RARB: variants seen among roughly 807,000 people sequenced by gnomAD.
The protein encoded by RARB is retinoic acid receptor beta.
A neutral mutation model predicts 51.9 loss-of-function variants in RARB; 17 were observed. That is an observed-to-expected ratio of 0.33 (90% CI 0.22 to 0.49). The LOEUF (loss-of-function observed/expected upper bound fraction) is 0.49. Ranked by LOEUF, RARB falls within the 20% of genes least tolerant of loss-of-function variation. RARB has a pLI of 0.99. For synonymous variants in RARB, 215 were observed against 195.4 expected (o/e 1.10, Z -0.84); for missense variants, 369 against 550.8 (o/e 0.67, Z 3.30).
intron 4 of RARB, among the ~76,000 whole-genome samples, chr3:25,570,863 C>G (rs1700679588): frequency 6.6e-6 from 1 of 151,870 alleles, no homozygotes; most frequent in African/African-American, 2.4e-5. Context: ...GTAGCACTTG[C>G]TGGCTTGGTG....
At chr3:25,135,033 C>T (rs1333515474) in intron 4 of RARB, among the ~76,000 whole-genome samples, 2 of 150,674 alleles carry the variant, frequency 1.3e-5, no homozygotes, top group Non-Finnish European at 3.0e-5. Flanking sequence ...CCTTTAGGTC[C>T]CATCATTTCT....
At chr3:24,946,982 C>A (rs970804952) in intron 2 of RARB, among the ~76,000 whole-genome samples, 1 of 152,154 alleles carries the variant, frequency 6.6e-6, no homozygotes, top group Non-Finnish European at 1.5e-5. Context: ...AAAAGACATG[C>A]TGAATTTCTC....
chr3:25,355,964 T>G (rs1179087179), intron 5 of RARB, among the ~76,000 whole-genome samples: 1 of 152,170 alleles, frequency 6.6e-6, no homozygotes, highest in African/African-American at 2.4e-5. Context: ...AAAATAACTT[T>G]TTTATTACAA....
Position 25,562,691 on chromosome 3 carries a change from G to T in RARB, c.449-7067G>T, listed in dbSNP as rs149748854. On this transcript the variant is annotated intron_variant, in intron 3 of 7. Coordinates refer to ENST00000330688, the MANE Select transcript of RARB (RefSeq NM_000965.5). Reference sequence around the variant, plus strand: ...TTATAGCTCATATGTCCAAAGAAAAGGATTTTTCATCTAAAACTAAATCTC... The same window carrying T: ...TTATAGCTCATATGTCCAAAGAAAATGATTTTTCATCTAAAACTAAATCTC... 5.7e-3 allele frequency among the ~76,000 whole-genome samples: 862 copies of T among 152,302 alleles called. 13 individuals carry two copies. The highest frequency in any genetic ancestry group is 0.02 in the African/African-American group (814 of 41,550).
upstream of RARB, among the ~76,000 whole-genome samples, chr3:25,425,620 T>C (rs1212617048): frequency 3.3e-5 from 5 of 152,152 alleles, no homozygotes; most frequent in African/African-American, 1.2e-4. Context: ...TCAAGGTAAT[T>C]ATATATTTTA....
intron 3 of RARB, among the ~76,000 whole-genome samples, chr3:25,106,448 T>TTTTC (rs1559468474): frequency 0.017 from 1,470 of 88,178 alleles, 95 homozygotes; most frequent in African/African-American, 0.056. Flanking sequence ...GCTACTGTTT[T>TTTTC]TTGTTTTTTG....
At chr3:25,488,790 G>A (rs1029781582) in intron 2 of RARB, among the ~76,000 whole-genome samples, 2 of 152,200 alleles carry the variant, frequency 1.3e-5, no homozygotes, top group African/African-American at 2.4e-5. Flanking sequence ...ATGAAGCTAA[G>A]AGTTTAAAAA....
chr3:25,235,186 C>G (rs975543415), intron 5 of RARB, among the ~76,000 whole-genome samples: 1 of 152,148 alleles, frequency 6.6e-6, no homozygotes, highest in Admixed American at 6.5e-5. Context: ...TCCTTATTAT[C>G]TGCCTGCAGT....
chr3:25,257,255 C>G (rs1414213944), intron 5 of RARB, among the ~76,000 whole-genome samples: 13 of 152,148 alleles, frequency 8.5e-5, no homozygotes, highest in Non-Finnish European at 1.6e-4. Context: ...GGAGTGTGCT[C>G]CATTCCGGGT....
At chr3:25,348,139 C>A (rs1442761200) in intron 5 of RARB, among the ~76,000 whole-genome samples, 1 of 152,114 alleles carries the variant, frequency 6.6e-6, no homozygotes, top group Non-Finnish European at 1.5e-5. Context: ...GCTGTGAGAT[C>A]CAGCAGAGTT....
intron 2 of RARB, among the ~76,000 whole-genome samples, chr3:24,915,816 A>G (rs1189077467): frequency 1.3e-5 from 2 of 152,106 alleles, no homozygotes; most frequent in Non-Finnish European, 2.9e-5. Context: ...GGTGACCATT[A>G]AGCTGTGAAT....
In RARB at chr3:25,583,821, T is replaced by C. The variant is rs145223229; in HGVS notation, c.786+3099T>C. ...CCCACAGGAGCCAAGTAGCCAAAAA[T>C]GTCTCTATTAAGACAGGCAGCCTCT... On this transcript the variant is annotated intron_variant, in intron 5 of 7. Transcript: ENST00000330688. Among the ~76,000 whole-genome samples the C allele has an allele frequency of 5.0e-4, 76 of 152,326 alleles. 2 individuals are homozygous for C. In the East Asian group the frequency reaches 0.014, roughly 27 times the overall value.
At chr3:24,883,500 C>T (rs550805362) in intron 2 of RARB, among the ~76,000 whole-genome samples, 1 of 152,028 alleles carries the variant, frequency 6.6e-6, no homozygotes, top group African/African-American at 2.4e-5. Flanking sequence ...GAGGGCAAAG[C>T]AGGAACACTA....
intron 2 of RARB, among the ~76,000 whole-genome samples, chr3:25,483,527 CTTTTTTTTTTT>C (rs199602182): frequency 8.8e-6 from 1 of 113,682 alleles, no homozygotes; most frequent in Non-Finnish European, 1.9e-5. Flanking sequence ...CATATTTCTT[CTTTTTTTTTTT>C]TTTTTTTTTC....
chr3:25,501,103 G>C (rs1013798852), intron 2 of RARB, 79 bp from the exon 3 acceptor site: 1 of 1,467,346 alleles, frequency 6.8e-7, no homozygotes, highest in Non-Finnish European at 9.1e-7. Flanking sequence ...AGCAATTAAT[G>C]CATTGATAAG....
chr3:24,974,772 G>A (rs1477385590), intron 2 of RARB, among the ~76,000 whole-genome samples: 1 of 152,148 alleles, frequency 6.6e-6, no homozygotes, highest in South Asian at 2.1e-4. Context: ...CTTAGCCACT[G>A]AAATAAGTAT....
At chr3:25,288,878 T>C (rs904627331) in intron 5 of RARB, among the ~76,000 whole-genome samples, 3 of 152,170 alleles carry the variant, frequency 2.0e-5, no homozygotes, top group Non-Finnish European at 4.4e-5. Context: ...AGCCCTCCCT[T>C]TTATGCAAGT....
intron 2 of RARB, among the ~76,000 whole-genome samples, chr3:25,494,429 GT>G (rs1175483476): frequency 6.6e-6 from 1 of 152,124 alleles, no homozygotes; most frequent in Non-Finnish European, 1.5e-5. Flanking sequence ...TCAAGTGCCA[GT>G]TTTCCTCCCT....
intron 5 of RARB, among the ~76,000 whole-genome samples, chr3:25,588,133 G>C (rs2125317549): frequency 6.6e-6 from 1 of 152,316 alleles, no homozygotes; most frequent in East Asian, 1.9e-4. Flanking sequence ...ATGAAGAAAA[G>C]AAAACAGGGT....
Sources: gnomAD v4.1 joint callset for allele counts (sites outside exome capture counted in the v4.1 genomes callset) on GRCh38, gnomAD v4.1.1 for gene constraint, MANE v1.5 for transcripts, NCBI Gene and HGNC (gene_info 2026-07-23, HGNC 2026-07-21) for gene names.